VPS13D: variants seen among roughly 807,000 people sequenced by gnomAD.
VPS13D encodes the protein vacuolar protein sorting 13 homolog D.
In VPS13D, 187 loss-of-function variants were observed where a neutral mutation model predicts 461.9. That is an observed-to-expected ratio of 0.40 (90% CI 0.36 to 0.46). The LOEUF is 0.46. Ranked by LOEUF, VPS13D falls within the 20% of genes least tolerant of loss-of-function variation. The pLI is 0.60. For missense variants in VPS13D, 4,711 were observed against 5,364.9 expected, an observed-to-expected ratio of 0.88 and a Z score of 3.81; for synonymous variants, 1,951 against 1,986.3, an observed-to-expected ratio of 0.98 and a Z score of 0.47.
intron 65 of VPS13D, 136 bp from the exon 66 acceptor site, chr1:12,455,862 T>G: frequency 2.7e-6 from 3 of 1,098,420 alleles, no homozygotes; most frequent in Non-Finnish European, 3.6e-6. Flanking sequence ...GAGGTTGTGA[T>G]GAGATGAGAT....
rs148067811 is a variant in VPS13D, at chr1:12,256,356, G to A, written c.693G>A (p.Glu231=). ...AGGAGGCCATGGCCAGGAGCATGGA[G>A]AGTCGCAGCCATCACTACGTCCTGG... The part of the protein sequence containing the change: ...ELQEAMARSM[E]SRSHHYVLEP... Residue 231 remains glutamate (E), a synonymous_variant, in exon 8 of 70, where the codon GAG becomes GAA. Transcript: ENST00000620676. The A allele has an allele frequency of 2.9e-5, 46 of 1,613,966 alleles. No homozygotes were observed. The African/African-American group carries it at 5.3e-4, about 19-fold the overall frequency.
Position 12,282,893 on chromosome 1 carries a change from C to T in VPS13D, c.4791C>T (p.Ser1597=). 5.0e-6 allele frequency: 8 copies of T among 1,614,182 alleles called. No individual in the cohort carries two copies. The highest frequency in any genetic ancestry group is 6.8e-6 in the Non-Finnish European group (8 of 1,180,026). Residue 1597 remains serine (S), a synonymous_variant, in exon 21 of 70, where the codon TCC becomes TCT. Coordinates refer to ENST00000620676, the MANE Select transcript of VPS13D (RefSeq NM_015378.4). The part of the protein sequence containing the change: ...ERKENGLFSH[S]SLSNTSQKSL... ...AGGAGAATGGATTGTTCAGCCACTC[C>T]AGCCTTTCTAACACCTCTCAGAAGT...
chr1:12,373,874 A>C lies in VPS13D; in HGVS notation c.10917+16A>C, dbSNP rs1157779522. 1.9e-6 allele frequency: 3 copies of C among 1,591,098 alleles called. No homozygotes were observed. The highest frequency in any genetic ancestry group is 4.6e-5 in the East Asian group (2 of 43,206). On this transcript the variant is annotated intron_variant, in intron 55 of 69. Coordinates refer to ENST00000620676, the MANE Select transcript of VPS13D (RefSeq NM_015378.4). The stretch of plus-strand genomic sequence containing the variant: ...AAAAAAGAAGGTAAGAGAGCTTACA[A>C]TCAGAGTTTAGAATACAAGGTTTTT...
intron 1 of VPS13D, among the ~76,000 whole-genome samples, chr1:12,233,367 G>A (rs1640045169): frequency 6.6e-6 from 1 of 152,128 alleles, no homozygotes; most frequent in African/African-American, 2.4e-5. Flanking sequence ...CTAGGATAAG[G>A]TTTCTTAACA....
At chr1:12,278,562 G>C (rs1641686059) in intron 19 of VPS13D, among the ~76,000 whole-genome samples, 1 of 152,192 alleles carries the variant, frequency 6.6e-6, no homozygotes. Context: ...AGTGTGACCA[G>C]CCGCGCCCAG....
Position 12,478,270 on chromosome 1 carries a change from G to A in VPS13D, c.12662+17874G>A, listed in dbSNP as rs999583902. ...ACCGAACAAAGGGAGGGAGTGCCGC[G>A]TGGGCCGGCCCAGGCCGAGGAATGC... is the stretch of plus-strand genomic sequence containing the variant. On this transcript the variant is annotated intron_variant, in intron 67 of 69. Transcript: ENST00000620676. Among the ~76,000 whole-genome samples the A allele has an allele frequency of 3.3e-5, 5 of 152,376 alleles. No individual in the cohort carries two copies. The East Asian group carries it at 7.7e-4, about 24-fold the overall frequency.
chr1:12,498,268 T>C (rs1253887387), intron 68 of VPS13D, among the ~76,000 whole-genome samples: 1 of 152,198 alleles, frequency 6.6e-6, no homozygotes, highest in African/African-American at 2.4e-5. Context: ...GTTAGTTGTG[T>C]CTGGGAGTAG....
At chr1:12,492,437 C>T (rs1645895391) in intron 67 of VPS13D, among the ~76,000 whole-genome samples, 1 of 152,172 alleles carries the variant, frequency 6.6e-6, no homozygotes, top group Non-Finnish European at 1.5e-5. Context: ...TTACACTGGC[C>T]ACATTTCACA....
intron 65 of VPS13D, among the ~76,000 whole-genome samples, chr1:12,448,886 A>AGT (rs1645226816): frequency 6.6e-6 from 1 of 152,236 alleles, no homozygotes; most frequent in Non-Finnish European, 1.5e-5. Context: ...AGAGTTGCAG[A>AGT]ATAGCAAGAG....
chr1:12,493,355 C>T lies in VPS13D; in HGVS notation c.12663-4145C>T, dbSNP rs540006885. On this transcript the variant is annotated intron_variant, in intron 67 of 69. Coordinates refer to ENST00000620676, the MANE Select transcript of VPS13D (RefSeq NM_015378.4). ...AAAATTAGCTGGGCATGGTGGCGGG[C>T]GCCTCTAATCCCAGCTACTCGGGAG... Among the ~76,000 whole-genome samples, 157 of 151,706 alleles carry T rather than the reference C, an allele frequency of 1.0e-3. 1 individual carries two copies. Among genetic ancestry groups the T allele is most frequent in the African/African-American group, 3.6e-3 (151 of 41,380 alleles).
intron 26 of VPS13D, among the ~76,000 whole-genome samples, chr1:12,305,574 G>A (rs1377119204): frequency 6.6e-6 from 1 of 152,170 alleles, no homozygotes; most frequent in African/African-American, 2.4e-5. Flanking sequence ...ACAGGCATGA[G>A]CCCCCGGGCC....
chr1:12,497,686 T>A, intron 68 of VPS13D, 55 bp downstream of exon 68: 1 of 1,567,874 alleles, frequency 6.4e-7, no homozygotes, highest in South Asian at 1.2e-5. Flanking sequence ...GCCTCTTCTT[T>A]TGATCCTGAG....
intron 14 of VPS13D, 38 bp from the exon 15 acceptor site, chr1:12,267,807 C>T (rs747113784): frequency 2.1e-5 from 34 of 1,593,230 alleles, no homozygotes; most frequent in South Asian, 1.4e-4. Flanking sequence ...TCCCCTCTCA[C>T]GCTGACGTTT....
intron 65 of VPS13D, among the ~76,000 whole-genome samples, chr1:12,417,298 T>A (rs2100239730): frequency 6.6e-6 from 1 of 152,376 alleles, no homozygotes; most frequent in African/African-American, 2.4e-5. Flanking sequence ...GACAGTGATG[T>A]CATTCTCCAG....
chr1:12,287,935 G>A (rs554514481), intron 21 of VPS13D, among the ~76,000 whole-genome samples: 23 of 152,226 alleles, frequency 1.5e-4, no homozygotes, highest in African/African-American at 4.8e-4. Flanking sequence ...ATGCCAAAAT[G>A]AGAAAAATTA....
At chr1:12,249,142 C>G in intron 5 of VPS13D, 81 bp from the exon 6 acceptor site, 1 of 1,186,594 alleles carries the variant, frequency 8.4e-7, no homozygotes, top group Non-Finnish European at 1.2e-6. Flanking sequence ...CAGCAGTTAT[C>G]TAAATGCTTT....
chr1:12,451,505 T>C (rs1324678935), intron 65 of VPS13D, among the ~76,000 whole-genome samples: 1 of 152,222 alleles, frequency 6.6e-6, no homozygotes, highest in Admixed American at 6.5e-5. Context: ...TCATTTTAGC[T>C]AGAACAACAT....
At chr1:12,312,113 G>A (rs1361571610) in intron 29 of VPS13D, among the ~76,000 whole-genome samples, 188 bp downstream of exon 29, 1 of 152,216 alleles carries the variant, frequency 6.6e-6, no homozygotes, top group Non-Finnish European at 1.5e-5. Flanking sequence ...AGTCAACATA[G>A]GTTAGGTTAT....
At chr1:12,232,637 C>CTTTTTTTTTTTTTTTTTTTTTT (rs772757546) in intron 1 of VPS13D, among the ~76,000 whole-genome samples, 1 of 71,016 alleles carries the variant, frequency 1.4e-5, no homozygotes, top group African/African-American at 5.5e-5. Flanking sequence ...TAAAATTAGT[C>CTTTTTTTTTTTTTTTTTTTTTT]TTTTTTTTTT....
Sources: allele counts gnomAD v4.1 joint callset (sites outside exome capture counted in the v4.1 genomes callset), GRCh38; gene constraint gnomAD v4.1.1; transcripts MANE v1.5; gene names NCBI Gene and HGNC (gene_info 2026-07-23, HGNC 2026-07-21).